PDE4B: variants seen among roughly 807,000 people sequenced by gnomAD.
PDE4B encodes 3',5'-cyclic-AMP phosphodiesterase 4B.
In PDE4B, 20 loss-of-function variants were observed where a neutral mutation model predicts 82.2. The observed-to-expected ratio is 0.24, with a 90% CI of 0.17 to 0.35. PDE4B has a LOEUF of 0.35. Among genes scored for constraint, PDE4B ranks in the 10% least tolerant of loss-of-function variants. The pLI is 1.00. For synonymous variants in PDE4B, 320 were observed against 318.9 expected, an observed-to-expected ratio of 1.00 and a Z score of -0.04; for missense variants, 655 against 907.2, an observed-to-expected ratio of 0.72 and a Z score of 3.57.
intron 3 of PDE4B, among the ~76,000 whole-genome samples, chr1:66,127,673 G>T (rs1376142959): frequency 1.3e-5 from 2 of 152,092 alleles, no homozygotes; most frequent in Non-Finnish European, 2.9e-5. Flanking sequence ...TATTCAGGAG[G>T]TTGATTCTGG....
intron 3 of PDE4B, among the ~76,000 whole-genome samples, chr1:66,027,211 C>T (rs1192300630): frequency 6.6e-6 from 1 of 152,144 alleles, no homozygotes; most frequent in Non-Finnish European, 1.5e-5. Context: ...GCCTCAGAAT[C>T]ATGGCTGGAG....
chr1:66,294,304 A>G (rs552942617), intron 7 of PDE4B, among the ~76,000 whole-genome samples: 1 of 152,342 alleles, frequency 6.6e-6, no homozygotes, highest in South Asian at 2.1e-4. Flanking sequence ...GCATTAGAGA[A>G]GGATAAATCA....
intron 3 of PDE4B, among the ~76,000 whole-genome samples, chr1:66,245,428 G>T (rs1570547332): frequency 1.3e-5 from 2 of 152,248 alleles, no homozygotes; most frequent in East Asian, 3.9e-4. Context: ...ATAGTTCAGA[G>T]CCCATGACCT....
At chr1:66,211,118 A>G (rs184374408) in intron 3 of PDE4B, among the ~76,000 whole-genome samples, 55 of 152,228 alleles carry the variant, frequency 3.6e-4, no homozygotes, top group African/African-American at 1.2e-3. Context: ...GTGTAAAAAG[A>G]TAAGATGTAC....
chr1:65,809,758 C>G (rs1645798770), intron 1 of PDE4B, among the ~76,000 whole-genome samples: 1 of 152,158 alleles, frequency 6.6e-6, no homozygotes, highest in African/African-American at 2.4e-5. Context: ...TCTGTCTTGA[C>G]TAGGAAGTCA....
At chr1:66,147,636 TTCAG>T (rs1646302673) in intron 3 of PDE4B, among the ~76,000 whole-genome samples, 2 of 152,226 alleles carry the variant, frequency 1.3e-5, no homozygotes, top group Non-Finnish European at 1.5e-5. Flanking sequence ...TCTGCTTGGA[TTCAG>T]TCAGACTTCA....
chr1:66,168,297 C>G (rs1570386327), intron 3 of PDE4B, among the ~76,000 whole-genome samples: 1 of 151,890 alleles, frequency 6.6e-6, no homozygotes, highest in Admixed American at 6.6e-5. Context: ...TGCAAGGGTA[C>G]AGATGATACA....
At chr1:66,317,288 C>T (rs901507531) in intron 7 of PDE4B, among the ~76,000 whole-genome samples, 1 of 152,190 alleles carries the variant, frequency 6.6e-6, no homozygotes, top group Non-Finnish European at 1.5e-5. Flanking sequence ...CCTCAAGAGC[C>T]TGTGAGTCTC....
intron 6 of PDE4B, among the ~76,000 whole-genome samples, chr1:66,260,805 C>T (rs1000553685): frequency 6.6e-6 from 1 of 152,120 alleles, no homozygotes; most frequent in Non-Finnish European, 1.5e-5. Flanking sequence ...CCAAGTACCC[C>T]AAGACCATAA....
chr1:66,228,564 C>T (rs1443855631), intron 3 of PDE4B, among the ~76,000 whole-genome samples: 1 of 150,950 alleles, frequency 6.6e-6, no homozygotes, highest in Non-Finnish European at 1.5e-5. Context: ...GCGGAGCTTG[C>T]AGTGAGCTGA....
rs72918251 is a variant in PDE4B, at chr1:66,049,559, A to G, written c.281+130724A>G. On this transcript the variant is annotated intron_variant, in intron 3 of 16. Transcript: ENST00000341517. ...TCAACTAGACCTACGTTTAATATTTAAAAACATGAAAACTCATGTAATTAA... is the reference window on the plus strand; with the variant it reads ...TCAACTAGACCTACGTTTAATATTTGAAAACATGAAAACTCATGTAATTAA... Among the ~76,000 whole-genome samples, 1,278 of 152,164 alleles carry G rather than the reference A, an allele frequency of 8.4e-3. 16 individuals carry two copies. Among genetic ancestry groups the G allele is most frequent in the African/African-American group, 0.029 (1,195 of 41,540 alleles).
At chr1:65,894,165 C>CA (rs1557803136) in intron 1 of PDE4B, among the ~76,000 whole-genome samples, 1 of 151,806 alleles carries the variant, frequency 6.6e-6, no homozygotes, top group Non-Finnish European at 1.5e-5. Flanking sequence ...AAGAAAAAAA[C>CA]AGAGTTAGAG....
chr1:66,042,977 C>T (rs546071220), intron 3 of PDE4B, among the ~76,000 whole-genome samples: 6 of 151,530 alleles, frequency 4.0e-5, no homozygotes, highest in Admixed American at 3.3e-4. Flanking sequence ...AGTTTCTTAC[C>T]GTATGAAATT....
At chr1:66,030,722 G>T (rs565998332) in intron 3 of PDE4B, among the ~76,000 whole-genome samples, 1 of 152,262 alleles carries the variant, frequency 6.6e-6, no homozygotes, top group African/African-American at 2.4e-5. Context: ...GAGCCCATCA[G>T]CAGAGGATAG....
chr1:66,297,052 A>G (rs1398930426), intron 7 of PDE4B, among the ~76,000 whole-genome samples: 2 of 152,094 alleles, frequency 1.3e-5, no homozygotes, highest in African/African-American at 4.8e-5. Context: ...GTCATCGCCC[A>G]TCGGCATTTG....
At chr1:66,205,477 C>G in intron 3 of PDE4B, among the ~76,000 whole-genome samples, 1 of 152,094 alleles carries the variant, frequency 6.6e-6, no homozygotes, top group East Asian at 1.9e-4. Flanking sequence ...TTTTCCAATC[C>G]ATCTTTCTTC....
chr1:66,106,941 A>G (rs1645375298), intron 3 of PDE4B, among the ~76,000 whole-genome samples: 2 of 143,328 alleles, frequency 1.4e-5, no homozygotes, highest in Non-Finnish European at 3.1e-5. Flanking sequence ...TATTTCCTTC[A>G]GTTCTGCTCT....
intron 1 of PDE4B, among the ~76,000 whole-genome samples, chr1:65,907,995 A>C (rs1435159230): frequency 6.6e-6 from 1 of 152,050 alleles, no homozygotes; most frequent in Non-Finnish European, 1.5e-5. Context: ...TCTGATTCTA[A>C]TCCTCATCCT....
At chr1:66,237,944 G>C (rs1652592409) in intron 3 of PDE4B, among the ~76,000 whole-genome samples, 1 of 152,098 alleles carries the variant, frequency 6.6e-6, no homozygotes, top group Non-Finnish European at 1.5e-5. Context: ...TTGTGTGAGA[G>C]AGGAAGGCAA....
Sources: gnomAD v4.1 joint callset for allele counts (sites outside exome capture counted in the v4.1 genomes callset) on GRCh38, gnomAD v4.1.1 for gene constraint, MANE v1.5 for transcripts, NCBI Gene and HGNC (gene_info 2026-07-23, HGNC 2026-07-21) for gene names.